DENND1A: variants seen among roughly 807,000 people sequenced by gnomAD.
The protein encoded by DENND1A is DENN domain containing 1A.
DENND1A carries 51 observed loss-of-function variants against 113.7 expected under a neutral mutation model. The ratio of observed to expected loss-of-function variants is 0.45; its 90% confidence interval spans 0.36 to 0.57. The LOEUF is 0.57. Among genes scored for constraint, DENND1A ranks in the 20% least tolerant of loss-of-function variants. The pLI is 0.00. For missense variants in DENND1A, 1,258 were observed against 1,395.9 expected, an observed-to-expected ratio of 0.90 and a Z score of 1.57; for synonymous variants, 565 against 570.8, an observed-to-expected ratio of 0.99 and a Z score of 0.14.
chr9:123,632,737 T>G (rs1021565045), intron 9 of DENND1A, among the ~76,000 whole-genome samples: 1 of 152,084 alleles, frequency 6.6e-6, no homozygotes, highest in Non-Finnish European at 1.5e-5. Flanking sequence ...TTGGAATACA[T>G]CACTTAGATA....
rs1845067762 is a variant in DENND1A, at chr9:123,861,652, A to C, written c.88+17299T>G. Among the ~76,000 whole-genome samples the C allele has an allele frequency of 1.3e-5, 2 of 152,218 alleles. 1 individual carries two copies. Among genetic ancestry groups the C allele is most frequent in the South Asian group, 4.1e-4 (2 of 4,836 alleles). On this transcript the variant is annotated intron_variant, in intron 2 of 23. Coordinates refer to ENST00000394215, the MANE Select transcript of DENND1A (RefSeq NM_001352964.2). ...ATGGAAAGATCTGTTCTTGCTGCAC[A>C]AAACAATAGAAGAAAAATCTTATCA...
intron 10 of DENND1A, among the ~76,000 whole-genome samples, chr9:123,622,195 T>C (rs1324187678): frequency 3.3e-5 from 5 of 152,222 alleles, no homozygotes; most frequent in Non-Finnish European, 7.3e-5. Flanking sequence ...ACTTGGCTTT[T>C]GACCTGACTG....
intron 13 of DENND1A, among the ~76,000 whole-genome samples, chr9:123,473,125 A>C (rs1283571808): frequency 6.6e-6 from 1 of 152,114 alleles, no homozygotes; most frequent in East Asian, 1.9e-4. Flanking sequence ...CTGCACCTCC[A>C]GCTTCTAGCC....
chr9:123,568,341 T>A (rs1564734521), intron 12 of DENND1A, among the ~76,000 whole-genome samples: 2 of 152,228 alleles, frequency 1.3e-5, no homozygotes, highest in Non-Finnish European at 1.5e-5. Flanking sequence ...CTTCTTTTTT[T>A]TGCAGGATTC....
chr9:123,528,643 G>C (rs1196181086), intron 13 of DENND1A, among the ~76,000 whole-genome samples: 1 of 152,134 alleles, frequency 6.6e-6, no homozygotes, highest in Non-Finnish European at 1.5e-5. Context: ...ACTGGCCTCT[G>C]CCATGCTGTC....
intron 1 of DENND1A, among the ~76,000 whole-genome samples, chr9:123,924,628 G>A (rs529515862): frequency 1.5e-3 from 230 of 151,574 alleles, no homozygotes; most frequent in African/African-American, 5.3e-3. Context: ...TCCAGCCTGG[G>A]GGACAGAGTG....
chr9:123,897,820 T>A (rs1357303821), intron 1 of DENND1A, among the ~76,000 whole-genome samples: 1 of 151,592 alleles, frequency 6.6e-6, no homozygotes, highest in African/African-American at 2.4e-5. Context: ...ATTTAAAAAT[T>A]AGGCAGATGT....
intron 13 of DENND1A, among the ~76,000 whole-genome samples, chr9:123,538,795 G>T (rs1335151632): frequency 4.2e-5 from 3 of 71,092 alleles, no homozygotes. Flanking sequence ...TGAATCCAAA[G>T]GTGACAACTC....
chr9:123,555,809 T>C (rs1322250412), intron 13 of DENND1A, among the ~76,000 whole-genome samples: 1 of 152,210 alleles, frequency 6.6e-6, no homozygotes, highest in Admixed American at 6.5e-5. Context: ...GAGGAGCCTG[T>C]GCCCAGATCC....
chr9:123,486,934 T>G (rs1204662729), intron 13 of DENND1A, among the ~76,000 whole-genome samples: 1 of 152,150 alleles, frequency 6.6e-6, no homozygotes, highest in East Asian at 1.9e-4. Context: ...ACTGGAGGAC[T>G]CCATCCTCTG....
In DENND1A at chr9:123,473,802, C is replaced by T. The variant is rs189772935; in HGVS notation, c.994-15905G>A. On this transcript the variant is annotated intron_variant, in intron 13 of 23. Transcript: ENST00000394215. ...CAGTCTCTTTCTCCACTAAAAGTCCCTAAATCTCCGTTTAGGCCCCATCTA... is the reference window on the plus strand; with the variant it reads ...CAGTCTCTTTCTCCACTAAAAGTCCTTAAATCTCCGTTTAGGCCCCATCTA... Among the ~76,000 whole-genome samples, 616 of 152,128 alleles carry T rather than the reference C, an allele frequency of 4.0e-3. 7 individuals are homozygous for T. Among genetic ancestry groups the T allele is most frequent in the African/African-American group, 0.013 (558 of 41,492 alleles).
chr9:123,791,666 G>T (rs1833007107), intron 3 of DENND1A, among the ~76,000 whole-genome samples: 1 of 152,022 alleles, frequency 6.6e-6, no homozygotes, highest in Non-Finnish European at 1.5e-5. Context: ...ACTGTACTGG[G>T]TATTTCTATT....
rs556992133 is a variant in DENND1A, at chr9:123,902,727, GA to G, written c.18-23707del. Among the ~76,000 whole-genome samples the G allele has an allele frequency of 6.4e-3, 858 of 133,512 alleles. 5 individuals carry two copies. Among genetic ancestry groups the G allele is most frequent in the Non-Finnish European group, 8.0e-3 (491 of 61,668 alleles). The allele number at this position is 133,512 out of a possible 152,430, so 87.6% of individuals were successfully genotyped here. The stretch of plus-strand genomic sequence containing the variant: ...AACTGACATCCTTAAATAGAACAGA[GA>G]AAAAAAAAACACCACCTCTATAAAA... On this transcript the variant is annotated intron_variant, in intron 1 of 23. Transcript: ENST00000394215.
In DENND1A at chr9:123,774,605, C is replaced by T. The variant is rs948045317; in HGVS notation, c.133-5042G>A. ...TGGAATAAGGGGTTTTACAGAAAGG[C>T]CTTTCAACACCCAAACATAAAAGCC... is the stretch of plus-strand genomic sequence containing the variant. On this transcript the variant is annotated intron_variant, in intron 3 of 23. Transcript: ENST00000394215. Among the ~76,000 whole-genome samples the T allele has an allele frequency of 2.0e-5, 3 of 152,068 alleles. No individual in the cohort carries two copies. The South Asian group carries it at 6.2e-4, about 32-fold the overall frequency.
intron 21 of DENND1A, among the ~76,000 whole-genome samples, chr9:123,392,062 T>C (rs1386488957): frequency 6.6e-6 from 1 of 152,132 alleles, no homozygotes; most frequent in Non-Finnish European, 1.5e-5. Context: ...TAATGTTTGG[T>C]TTAACGTGTC....
At chr9:123,484,577 G>A (rs10818823) in intron 13 of DENND1A, among the ~76,000 whole-genome samples, 14,240 of 152,130 alleles carry the variant, frequency 0.094, 685 homozygotes, top group Admixed American at 0.12. Context: ...ACCCTGCCCC[G>A]GCCCCTGCCT....
intron 10 of DENND1A, among the ~76,000 whole-genome samples, chr9:123,624,854 G>A (rs1193780312): frequency 6.6e-6 from 1 of 152,116 alleles, no homozygotes; most frequent in Non-Finnish European, 1.5e-5. Context: ...AACATCTAAT[G>A]TATCTCCAAG....
intron 21 of DENND1A, among the ~76,000 whole-genome samples, chr9:123,403,043 G>A (rs2043622556): frequency 6.6e-6 from 1 of 152,204 alleles, no homozygotes; most frequent in African/African-American, 2.4e-5. Flanking sequence ...GAAGGTGGGT[G>A]GATCCAGTTC....
intron 13 of DENND1A, among the ~76,000 whole-genome samples, chr9:123,471,920 C>T (rs2049459329): frequency 6.6e-6 from 1 of 152,298 alleles, no homozygotes; most frequent in Non-Finnish European, 1.5e-5. Flanking sequence ...AGTCCCAGAC[C>T]GAGGAATCCA....
Sources: allele counts gnomAD v4.1 joint callset (sites outside exome capture counted in the v4.1 genomes callset), GRCh38; gene constraint gnomAD v4.1.1; transcripts MANE v1.5; gene names NCBI Gene and HGNC (gene_info 2026-07-23, HGNC 2026-07-21).